Variants in DACH1 observed in about 807,000 individuals in gnomAD.
The protein encoded by DACH1 is dachshund homolog 1.
DACH1 carries 12 observed loss-of-function variants against 54.2 expected under a neutral mutation model. The ratio of observed to expected loss-of-function variants is 0.22; its 90% CI spans 0.14 to 0.36. DACH1 has a LOEUF of 0.36. DACH1 is among the 10% of genes least tolerant of loss of function. The probability of loss-of-function intolerance (pLI) is 1.00; values close to 1 mark genes in which losing one functional copy is unlikely to be tolerated. For missense variants in DACH1, 805 were observed against 929.8 expected (o/e 0.87, Z 1.75); for synonymous variants, 386 against 366.2 (o/e 1.05, Z -0.62).
chr13:71,818,177 G>A (rs979470153), intron 1 of DACH1, among the ~76,000 whole-genome samples: 1 of 152,070 alleles, frequency 6.6e-6, no homozygotes, highest in Non-Finnish European at 1.5e-5. Flanking sequence ...CAGACCAGTG[G>A]AGTCCTGCCT....
chr13:71,518,213 C>T (rs908837739), intron 6 of DACH1, among the ~76,000 whole-genome samples: 2 of 151,692 alleles, frequency 1.3e-5, no homozygotes, highest in African/African-American at 2.4e-5. Flanking sequence ...AAGGGTGAGA[C>T]CTTTAATCTA....
chr13:71,457,159 C>T (rs753611232), intron 10 of DACH1, among the ~76,000 whole-genome samples: 23 of 151,968 alleles, frequency 1.5e-4, no homozygotes, highest in Admixed American at 3.3e-4. Flanking sequence ...ATCTATGCAT[C>T]GGAAGGAAAA....
chr13:71,482,572 G>A (rs780601208), intron 7 of DACH1, among the ~76,000 whole-genome samples: 2 of 152,096 alleles, frequency 1.3e-5, no homozygotes, highest in Non-Finnish European at 2.9e-5. Context: ...TTAAAGATGA[G>A]AAAACCAAGA....
At chr13:71,802,858 A>C (rs1172465680) in intron 1 of DACH1, among the ~76,000 whole-genome samples, 1 of 152,156 alleles carries the variant, frequency 6.6e-6, no homozygotes, top group African/African-American at 2.4e-5. Flanking sequence ...TCTACAAACC[A>C]AGGAATATGT....
At chr13:71,684,831 T>C (rs1391316366) in intron 1 of DACH1, among the ~76,000 whole-genome samples, 1 of 152,042 alleles carries the variant, frequency 6.6e-6, no homozygotes, top group Non-Finnish European at 1.5e-5. Flanking sequence ...CCCAAATCCT[T>C]CAAGTATACT....
chr13:71,603,203 A>G (rs766255009), intron 3 of DACH1, among the ~76,000 whole-genome samples: 3 of 151,954 alleles, frequency 2.0e-5, no homozygotes, highest in Non-Finnish European at 4.4e-5. Context: ...GATTAAAATC[A>G]ATATTACTTT....
chr13:71,528,813 A>C (rs1882198391), intron 6 of DACH1, among the ~76,000 whole-genome samples: 1 of 152,132 alleles, frequency 6.6e-6, no homozygotes, highest in South Asian at 2.1e-4. Flanking sequence ...TGAAGATTGG[A>C]GATAACCTAC....
intron 1 of DACH1, among the ~76,000 whole-genome samples, chr13:71,754,535 A>C (rs1289906584): frequency 3.3e-5 from 5 of 152,168 alleles, no homozygotes; most frequent in Admixed American, 6.5e-5. Context: ...GATGAGGAAA[A>C]TGAGGTTTAT....
chr13:71,486,812 T>TTATCTATC (rs4053561), intron 7 of DACH1, among the ~76,000 whole-genome samples: 184 of 41,808 alleles, frequency 4.4e-3, no homozygotes, highest in African/African-American at 8.0e-3. Flanking sequence ...ATTTATTTAT[T>TTATCTATC]TATCTATCTA....
rs562824542 is a variant in DACH1 at position 71,646,574 on chromosome 13, C to T, written c.965-15857G>A. On this transcript the variant is annotated intron_variant, in intron 2 of 10. Transcript: ENST00000613252. ...AATGTGAACACTATCTACAAGTTTACTCATTGTTACAGAGAAAGTTGATCC... is the reference window on the plus strand; with the variant it reads ...AATGTGAACACTATCTACAAGTTTATTCATTGTTACAGAGAAAGTTGATCC... 1.7e-4 allele frequency among the ~76,000 whole-genome samples: 26 copies of T among 152,266 alleles called. 1 individual carries two copies. The South Asian group carries it at 5.2e-3, about 30-fold the overall frequency.
At chr13:71,787,368 GA>G (rs914609675) in intron 1 of DACH1, among the ~76,000 whole-genome samples, 2 of 152,118 alleles carry the variant, frequency 1.3e-5, no homozygotes, top group Non-Finnish European at 2.9e-5. Flanking sequence ...TCATCAGCAT[GA>G]AATTTTTAAA....
intron 3 of DACH1, among the ~76,000 whole-genome samples, chr13:71,573,848 G>T (rs1343127496): frequency 6.6e-6 from 1 of 152,034 alleles, no homozygotes; most frequent in African/African-American, 2.4e-5. Flanking sequence ...AGCTTAATAT[G>T]AAATGGTCTC....
chr13:71,542,186 G>A (rs112174181), intron 6 of DACH1, among the ~76,000 whole-genome samples: 167 of 152,064 alleles, frequency 1.1e-3, no homozygotes, highest in African/African-American at 3.9e-3. Flanking sequence ...GGAGGTGGAG[G>A]TTGCAGTGAG....
At chr13:71,644,346 T>C (rs1332203761) in intron 2 of DACH1, among the ~76,000 whole-genome samples, 1 of 152,174 alleles carries the variant, frequency 6.6e-6, no homozygotes, top group Non-Finnish European at 1.5e-5. Context: ...AAATGAATGG[T>C]CTATGTGTAG....
At chr13:71,520,829 A>T (rs1399657095) in intron 6 of DACH1, among the ~76,000 whole-genome samples, 1 of 151,948 alleles carries the variant, frequency 6.6e-6, no homozygotes, top group Non-Finnish European at 1.5e-5. Context: ...CATAGTGTTA[A>T]TTCCAATAAT....
intron 4 of DACH1, among the ~76,000 whole-genome samples, chr13:71,567,274 G>A (rs1884947823): frequency 6.6e-6 from 1 of 151,650 alleles, no homozygotes; most frequent in African/African-American, 2.4e-5. Context: ...AACAATGTAG[G>A]GTAATTTGAA....
Position 71,440,022 on chromosome 13 carries a change from C to T in DACH1, c.*633G>A, listed in dbSNP as rs1174975328. 1.3e-5 allele frequency: 2 copies of T among 151,564 alleles called. No individual in the cohort carries two copies. Among genetic ancestry groups the T allele is most frequent in the East Asian group, 3.9e-4 (2 of 5,174 alleles). 9.4% of individuals were successfully genotyped at this position (151,564 alleles called of 1,614,324 possible). A position where few individuals can be genotyped will look rare whatever the true frequency, so the allele number is the denominator to read the frequency against. ...TATTCAATGCTTCTTTTCAGATATG[C>T]AAAATGTTATTTCATTGGGTTGTTG... On this transcript the variant is annotated 3_prime_UTR_variant, in exon 11 of 11. Transcript: ENST00000613252.
intron 1 of DACH1, among the ~76,000 whole-genome samples, chr13:71,782,661 A>C (rs1886434434): frequency 6.6e-6 from 1 of 152,098 alleles, no homozygotes. Flanking sequence ...ATCAGCATCC[A>C]TTCATCTGCT....
intron 6 of DACH1, among the ~76,000 whole-genome samples, chr13:71,556,093 G>C (rs917002108): frequency 1.3e-5 from 2 of 152,088 alleles, no homozygotes; most frequent in African/African-American, 2.4e-5. Flanking sequence ...TTTTTGGTGG[G>C]AAGAAGGTAC....
Sources: gnomAD v4.1 joint callset for allele counts (sites outside exome capture counted in the v4.1 genomes callset) on GRCh38, gnomAD v4.1.1 for gene constraint, MANE v1.5 for transcripts, NCBI Gene and HGNC (gene_info 2026-07-23, HGNC 2026-07-21) for gene names.